NFATC1: variants seen among roughly 807,000 people sequenced by gnomAD.
NFATC1 encodes the protein nuclear factor of activated T cells 1, also known as nuclear factor of activated T-cells, cytoplasmic 1.
NFATC1 carries 22 observed loss-of-function variants against 76.0 expected under a neutral mutation model. That is an observed-to-expected ratio of 0.29 (90% CI 0.21 to 0.41). The LOEUF (loss-of-function observed/expected upper bound fraction) is 0.41. Among genes scored for constraint, NFATC1 ranks in the 10% least tolerant of loss-of-function variants. NFATC1 has a pLI of 1.00. For missense variants in NFATC1, 1,357 were observed against 1,337.7 expected (o/e 1.01, Z -0.23); for synonymous variants, 704 against 613.1 (o/e 1.15, Z -2.19).
chr18:79,480,657 C>G (rs942979099), intron 8 of NFATC1, among the ~76,000 whole-genome samples: 1 of 152,154 alleles, frequency 6.6e-6, no homozygotes, highest in African/African-American at 2.4e-5. Flanking sequence ...TTGACGTTCT[C>G]CAGCCAGCAG....
At chr18:79,424,523 ATCTCTGTCTCCCTGTCTCTC>A (rs2086214343) in intron 2 of NFATC1, among the ~76,000 whole-genome samples, 1 of 142,792 alleles carries the variant, frequency 7.0e-6, no homozygotes, top group South Asian at 2.3e-4. Context: ...CTGTCTCTCC[ATCTCTGTCTCCCTGTCTCTC>A]TCTCTGTCTC....
intron 9 of NFATC1, among the ~76,000 whole-genome samples, chr18:79,526,139 C>T (rs548136543): frequency 6.6e-6 from 1 of 152,312 alleles, no homozygotes; most frequent in Non-Finnish European, 1.5e-5. Context: ...CGGAAAGTGC[C>T]TCTGGTGAGG....
chr18:79,527,193 G>A (rs572463670), intron 9 of NFATC1: 28 of 248,014 alleles, frequency 1.1e-4, no homozygotes, highest in African/African-American at 5.9e-4. Context: ...TGCTGGTGTG[G>A]ACCTGTGGGT....
At position 79,465,498 on chromosome 18, in the gene NFATC1, C is replaced by A. The variant is rs1203407635; in HGVS notation, c.1960-1952C>A. ...GGAATCTCCGCCTCTGCCCAGCCAG[C>A]CTGGCCCATGTGGTCCCCGCCTCCA... is the stretch of plus-strand genomic sequence containing the variant. On this transcript the variant is annotated intron_variant, in intron 7 of 9. Coordinates refer to ENST00000427363, the MANE Select transcript of NFATC1 (RefSeq NM_001278669.2). The surrounding 1 kb of genome is among the most constrained non-coding windows in gnomAD (Gnocchi z 4.2). Among the ~76,000 whole-genome samples, 1 of 151,078 alleles carries A rather than the reference C, an allele frequency of 6.6e-6. No individual in the cohort carries two copies. The highest frequency in any genetic ancestry group is 1.5e-5 in the Non-Finnish European group (1 of 67,656).
intron 3 of NFATC1, among the ~76,000 whole-genome samples, chr18:79,446,702 G>T (rs920481207): frequency 1.3e-5 from 2 of 152,182 alleles, no homozygotes; most frequent in Non-Finnish European, 2.9e-5. Flanking sequence ...CATATGGGAA[G>T]GGGGGCTCTA....
In NFATC1 at chr18:79,528,174, T is replaced by C; in HGVS notation, c.*597T>C. On this transcript the variant is annotated 3_prime_UTR_variant, in exon 10 of 10. Transcript: ENST00000427363. ...CACAGTGCATTTTAGAATCTTCCAG[T>C]CTGTCATCTCAGCTCTTTTGTAACA... 1 of 379,022 alleles carries C rather than the reference T, an allele frequency of 2.6e-6. No individual in the cohort carries two copies. Among genetic ancestry groups the C allele is most frequent in the Non-Finnish European group, 4.7e-6 (1 of 214,228 alleles). The allele number at this position is 379,022 out of a possible 1,614,324, so 23.5% of individuals were successfully genotyped here.
In NFATC1 at chr18:79,485,293, G is replaced by A. The variant is rs571160477; in HGVS notation, c.2093-955G>A. On this transcript the variant is annotated intron_variant, in intron 8 of 9. Coordinates refer to ENST00000427363, the MANE Select transcript of NFATC1 (RefSeq NM_001278669.2). ...GCATTCGCTCAGAGTGGCACCACGCGTCTGTTAGGAATGTATGTGCGCCAT... is the reference window on the plus strand; with the variant it reads ...GCATTCGCTCAGAGTGGCACCACGCATCTGTTAGGAATGTATGTGCGCCAT... Among the ~76,000 whole-genome samples, 12 of 152,394 alleles carry A rather than the reference G, an allele frequency of 7.9e-5. 1 individual carries two copies. Among genetic ancestry groups the A allele is most frequent in the African/African-American group, 2.9e-4 (12 of 41,594 alleles).
chr18:79,487,585 G>A (rs1437832849), intron 9 of NFATC1, among the ~76,000 whole-genome samples: 2 of 152,242 alleles, frequency 1.3e-5, no homozygotes, highest in Admixed American at 1.3e-4. Flanking sequence ...AGGGAAGGAA[G>A]TGGCCTCACG....
chr18:79,427,955 G>C (rs2086452893), intron 2 of NFATC1, among the ~76,000 whole-genome samples: 1 of 138,402 alleles, frequency 7.2e-6, no homozygotes, highest in South Asian at 2.5e-4. Flanking sequence ...GCTGGCCTCT[G>C]TGCAGTGGGT....
chr18:79,397,235 G>C (rs1238407223), intron 1 of NFATC1, among the ~76,000 whole-genome samples: 3 of 152,174 alleles, frequency 2.0e-5, no homozygotes, highest in Non-Finnish European at 4.4e-5. Context: ...TAGGGATTAG[G>C]GATTGCAATG....
chr18:79,468,617 T>C (rs1177603629), intron 8 of NFATC1: 1 of 152,264 alleles, frequency 6.6e-6, no homozygotes, highest in Non-Finnish European at 1.5e-5. Context: ...CCATTTTCTC[T>C]GAATGTAAAC....
intron 2 of NFATC1, among the ~76,000 whole-genome samples, chr18:79,433,043 G>A (rs1029603625): frequency 6.6e-6 from 1 of 152,208 alleles, no homozygotes; most frequent in Non-Finnish European, 1.5e-5. Flanking sequence ...CATGGACGCC[G>A]TGTCCCTCCT....
At chr18:79,461,441 G>A (rs1250142778) in intron 7 of NFATC1, 75 bp downstream of exon 7, 1 of 1,525,800 alleles carries the variant, frequency 6.6e-7, no homozygotes, top group African/African-American at 1.4e-5. Flanking sequence ...TGGAGCCACT[G>A]CGGGTCCCCA....
chr18:79,464,709 TA>T (rs67811806), intron 7 of NFATC1, among the ~76,000 whole-genome samples: 7,075 of 122,554 alleles, frequency 0.058, 569 homozygotes, highest in East Asian at 0.12. Context: ...TTTATTTATT[TA>T]TTTTTTTTTT....
rs114747460 is a variant in NFATC1 at position 79,461,675 on chromosome 18, C to T, written c.1959+309C>T. Among the ~76,000 whole-genome samples the T allele has an allele frequency of 4.3e-3, 652 of 152,278 alleles. 4 individuals are homozygous for T. The highest frequency in any genetic ancestry group is 0.015 in the African/African-American group (626 of 41,552). On this transcript the variant is annotated intron_variant, in intron 7 of 9. Coordinates refer to ENST00000427363, the MANE Select transcript of NFATC1 (RefSeq NM_001278669.2). ...GGCGCTGAGACAGCCCAGGGAAGGT[C>T]GTCTCACACGGACCCTCCCGCCCTT...
chr18:79,400,232 T>G, intron 1 of NFATC1: 3 of 1,185,010 alleles, frequency 2.5e-6, no homozygotes, highest in Admixed American at 4.8e-5. Context: ...GAGCCGGTTG[T>G]TTATGTAAAC....
intron 2 of NFATC1, among the ~76,000 whole-genome samples, chr18:79,427,928 G>A (rs2086450754): frequency 2.8e-5 from 4 of 144,778 alleles, no homozygotes; most frequent in South Asian, 2.3e-4. Flanking sequence ...GCCTCTGTGT[G>A]GTGGCAGGGC....
chr18:79,524,744 G>A lies in NFATC1; in HGVS notation c.2783-2784G>A, dbSNP rs989562232. Among the ~76,000 whole-genome samples the A allele has an allele frequency of 1.3e-5, 2 of 152,058 alleles. No individual in the cohort carries two copies. The highest frequency in any genetic ancestry group is 4.8e-5 in the African/African-American group (2 of 41,402). ...CCCCCGACGGGAACCTGGGTGGCCG[G>A]GGGACACACCGAGGAACTTTCCGCC... On this transcript the variant is annotated intron_variant, in intron 9 of 9. Coordinates refer to ENST00000427363, the MANE Select transcript of NFATC1 (RefSeq NM_001278669.2). The surrounding 1 kb of genome is among the most constrained non-coding windows in gnomAD (Gnocchi z 7.2).
intron 9 of NFATC1, among the ~76,000 whole-genome samples, chr18:79,521,118 G>C (rs1485563511): frequency 1.4e-4 from 15 of 109,392 alleles, no homozygotes; most frequent in African/African-American, 4.7e-4. Flanking sequence ...TGTGTGGGGG[G>C]CGTCTGCTGA....
Sources: gnomAD v4.1 joint callset for allele counts (sites outside exome capture counted in the v4.1 genomes callset) on GRCh38, gnomAD v4.1.1 for gene constraint, Gnocchi (gnomAD v3.1) non-coding constraint, MANE v1.5 for transcripts, NCBI Gene and HGNC (gene_info 2026-07-23, HGNC 2026-07-21) for gene names.